The following TENT5D variants were observed in gnomAD, a reference collection of about 807,000 sequenced individuals.
The protein encoded by TENT5D is cancer/testis antigen 112.
For synonymous variants in TENT5D, 103 were observed against 100.6 expected (o/e 1.02, Z -0.15); for missense variants, 191 against 287.0 (o/e 0.67, Z 2.42).
chrX:80,368,461 T>C lies in TENT5D; in HGVS notation c.-142+25897T>C, dbSNP rs1494484. On this transcript the variant is annotated intron_variant, in intron 3 of 4. Coordinates refer to the TENT5D transcript ENST00000538312. ...TTTTGGGTTATTGTTTCCAACTCTA[T>C]TGAACTCTTTGAAGGCAGAGATTCT... is the stretch of plus-strand genomic sequence containing the variant. Among the ~76,000 whole-genome samples, 621 of 112,219 alleles carry C rather than the reference T, an allele frequency of 5.5e-3. 1 individual carries two copies. The highest frequency in any genetic ancestry group is 0.019 in the African/African-American group (593 of 30,972).
intron 3 of TENT5D, among the ~76,000 whole-genome samples, chrX:80,371,074 G>T (rs984799071): frequency 1.4e-4 from 16 of 112,058 alleles, no homozygotes; most frequent in Non-Finnish European, 2.8e-4. Context: ...ATTCCCAATG[G>T]AAGTGTATAA....
At chrX:80,395,002 G>A (rs753405816) in intron 3 of TENT5D, among the ~76,000 whole-genome samples, 1 of 111,508 alleles carries the variant, frequency 9.0e-6, no homozygotes, top group African/African-American at 3.3e-5. Flanking sequence ...CCTGTTGACC[G>A]ATCTCTCCCC....
chrX:80,410,392 T>G (rs1471383168), intron 3 of TENT5D, among the ~76,000 whole-genome samples: 1 of 78,306 alleles, frequency 1.3e-5, no homozygotes, highest in African/African-American at 4.8e-5. Flanking sequence ...CAAACAAATT[T>G]ACAAGAAAAA....
At chrX:80,402,068 C>A (rs902212550) in intron 3 of TENT5D, among the ~76,000 whole-genome samples, 5 of 111,343 alleles carry the variant, frequency 4.5e-5, no homozygotes, top group African/African-American at 1.6e-4. Context: ...CTGATTCAAT[C>A]TTCTCACTTG....
chrX:80,425,040 C>A (rs766853191), intron 1 of TENT5D, among the ~76,000 whole-genome samples: 1 of 112,391 alleles, frequency 8.9e-6, no homozygotes, highest in Admixed American at 9.4e-5. Context: ...TTCCAAGGGG[C>A]TTTTTTTGGC....
At chrX:80,373,659 C>T (rs1490141854) in intron 3 of TENT5D, among the ~76,000 whole-genome samples, 1 of 110,992 alleles carries the variant, frequency 9.0e-6, no homozygotes, top group Non-Finnish European at 1.9e-5. Flanking sequence ...TAATCCTTCT[C>T]TCCTGATCTC....
At chrX:80,398,152 T>C (rs1282511861) in intron 3 of TENT5D, among the ~76,000 whole-genome samples, 2 of 112,376 alleles carry the variant, frequency 1.8e-5, no homozygotes, top group Non-Finnish European at 3.8e-5. Flanking sequence ...TTGATTTTCA[T>C]TTCCCTGTTG....
rs1374335816 is a variant in TENT5D, at chrX:80,411,652, TTTC to T, written c.-141-26955_-141-26953del. 4.4e-5 allele frequency among the ~76,000 whole-genome samples: 5 copies of T among 112,392 alleles called. No individual in the cohort carries two copies. In the East Asian group the frequency reaches 1.1e-3, roughly 25 times the overall value. ...AAAAGTATTTTTTAATAAGAACACA[TTTC>T]TTTTTTTCAGAAAAAGTGTTTTCTT... On this transcript the variant is annotated intron_variant, in intron 3 of 4. Coordinates refer to the TENT5D transcript ENST00000538312.
At chrX:80,406,176 T>C (rs1044258599) in intron 3 of TENT5D, among the ~76,000 whole-genome samples, 13 of 111,422 alleles carry the variant, frequency 1.2e-4, no homozygotes, top group African/African-American at 4.3e-4. Flanking sequence ...AACTGGAAAC[T>C]CTAAAACGCA....
intron 2 of TENT5D, among the ~76,000 whole-genome samples, chrX:80,341,086 A>C (rs2147511274): frequency 1.8e-5 from 2 of 111,972 alleles, no homozygotes; most frequent in South Asian, 3.7e-4. Flanking sequence ...TCATTGTAAA[A>C]ATTTTCACTT....
chrX:80,438,627 T>C (rs1165202046), exon 2 of TENT5D: 2 of 110,160 alleles, frequency 1.8e-5, no homozygotes, highest in African/African-American at 6.5e-5. Context: ...GGTTGGTGTA[T>C]TACTTTATTC....
At chrX:80,419,901 G>A (rs1931851267), upstream of TENT5D, among the ~76,000 whole-genome samples, 1 of 111,029 alleles carries the variant, frequency 9.0e-6, no homozygotes, top group Non-Finnish European at 1.9e-5. Flanking sequence ...TTTTTATAGA[G>A]TCGAAGTCTC....
chrX:80,363,948 G>C (rs1930457831), intron 3 of TENT5D, among the ~76,000 whole-genome samples: 1 of 112,187 alleles, frequency 8.9e-6, no homozygotes, highest in Admixed American at 9.5e-5. Flanking sequence ...GTGCATGTGT[G>C]GTGAGAACAC....
intron 3 of TENT5D, among the ~76,000 whole-genome samples, chrX:80,375,048 T>TCCTC (rs1473712577): frequency 1.8e-5 from 2 of 111,362 alleles, no homozygotes; most frequent in Non-Finnish European, 3.8e-5. Context: ...TTTTTTCATT[T>TCCTC]CCTCCCACAT....
In TENT5D at chrX:80,379,690, G is replaced by A. The variant is rs1425771314; in HGVS notation, c.-142+37126G>A. Among the ~76,000 whole-genome samples, 18 of 110,485 alleles carry A rather than the reference G, an allele frequency of 1.6e-4. No individual in the cohort carries two copies. In the East Asian group the frequency reaches 5.2e-3, roughly 32 times the overall value. On this transcript the variant is annotated intron_variant, in intron 3 of 4. Transcript: ENST00000538312. ...CATCTTCCTGGTTTAGTCTTGGGAG[G>A]GTGTATGTGTCAGGGAATTTATCCA...
intron 3 of TENT5D, among the ~76,000 whole-genome samples, chrX:80,365,920 T>C (rs745867031): frequency 8.1e-5 from 9 of 111,082 alleles, no homozygotes; most frequent in Non-Finnish European, 1.1e-4. Flanking sequence ...CAGACAATGT[T>C]CAATGAAAGG....
rs779279063 is a variant in TENT5D, at chrX:80,350,004, T to A, written c.-142+7440T>A. On this transcript the variant is annotated intron_variant, in intron 3 of 4. Coordinates refer to the TENT5D transcript ENST00000538312. ...CCTGAGTTCTAATTTGATTGCACTG[T>A]GGTCTGAGAGGCTGTTATGATTTCT... Among the ~76,000 whole-genome samples the A allele has an allele frequency of 8.9e-5, 10 of 111,858 alleles. No homozygotes were observed. The East Asian group carries it at 2.8e-3, about 31-fold the overall frequency.
intron 3 of TENT5D, among the ~76,000 whole-genome samples, chrX:80,404,765 A>T (rs181894327): frequency 2.7e-5 from 3 of 112,160 alleles, no homozygotes; most frequent in African/African-American, 6.5e-5. Flanking sequence ...TCCTTTTTAG[A>T]TGCAGGAGTC....
upstream of TENT5D, among the ~76,000 whole-genome samples, chrX:80,419,161 A>G (rs952465671): frequency 8.9e-6 from 1 of 111,905 alleles, no homozygotes; most frequent in African/African-American, 3.2e-5. Context: ...CCATTTAATT[A>G]TGTTTAAAAA....
Sources: gnomAD v4.1 joint callset for allele counts (sites outside exome capture counted in the v4.1 genomes callset) on GRCh38, gnomAD v4.1.1 for gene constraint, MANE v1.5 for transcripts, NCBI Gene and HGNC (gene_info 2026-07-23, HGNC 2026-07-21) for gene names.